The following MSS51 variants were observed in gnomAD, a reference collection of about 807,000 sequenced individuals.
The protein encoded by MSS51 is MSS51 mitochondrial translational activator.
In MSS51, 32 loss-of-function variants were observed where a neutral mutation model predicts 40.2. That is an observed-to-expected ratio of 0.80 (90% confidence interval 0.60 to 1.07). MSS51 has a LOEUF of 1.07. Ranked by LOEUF, MSS51 falls within the 50% of genes least tolerant of loss-of-function variation. MSS51 has a pLI of 0.00. For missense variants in MSS51, 518 were observed against 568.9 expected (o/e 0.91, Z 0.91); for synonymous variants, 178 against 214.2 (o/e 0.83, Z 1.48).
At chr10:73,429,098 TG>T (rs2056010456) in intron 1 of MSS51, among the ~76,000 whole-genome samples, 4 of 151,650 alleles carry the variant, frequency 2.6e-5, no homozygotes, top group Non-Finnish European at 4.4e-5. Flanking sequence ...CCCAGCTACT[TG>T]GGAGGCTGAG....
At chr10:73,428,413 G>T (rs1589675164) in intron 1 of MSS51, 112 bp from the exon 2 acceptor site, 1 of 783,226 alleles carries the variant, frequency 1.3e-6, no homozygotes, top group Non-Finnish European at 2.0e-6. Context: ...TCAGACCCAG[G>T]TTATCAGTAA....
chr10:73,425,688 A>AT, intron 5 of MSS51, 123 bp downstream of exon 5: 1 of 861,396 alleles, frequency 1.2e-6, no homozygotes, highest in Non-Finnish European at 1.7e-6. Context: ...AAAAAAAAAA[A>AT]GAAAAGTTGT....
At chr10:73,431,657 CT>C (rs1375132531) in intron 1 of MSS51, among the ~76,000 whole-genome samples, 7 of 152,236 alleles carry the variant, frequency 4.6e-5, no homozygotes, top group Non-Finnish European at 7.4e-5. Context: ...TTGTATTTTC[CT>C]TTGTACTTTC....
chr10:73,425,227 AC>A (rs1157065822), intron 5 of MSS51, 36 bp from the exon 6 acceptor site: 2 of 1,365,596 alleles, frequency 1.5e-6, no homozygotes, highest in African/African-American at 1.5e-5. Flanking sequence ...ATAGGGAAAG[AC>A]TAAAGCAGAC....
At position 73,425,882 on chromosome 10, in the gene MSS51, T is replaced by C; in HGVS notation, c.998A>G (p.His333Arg). 6.2e-7 allele frequency: 1 copy of C among 1,614,108 alleles called. No homozygotes were observed. The highest frequency in any genetic ancestry group is 2.2e-5 in the East Asian group (1 of 44,870). Reference sequence around the variant, plus strand: ...CTCTACTTGCTCCTCCCAGAAGTCATGGTAGAGGCCCCTGTGGGCACTAAG... The same window carrying C: ...CTCTACTTGCTCCTCCCAGAAGTCACGGTAGAGGCCCCTGTGGGCACTAAG... ...IQLSAHRGLYHDFWEEQVETG... is the reference protein window; with the variant it reads ...IQLSAHRGLYRDFWEEQVETG... Residue 333 changes from histidine to arginine, a missense_variant, in exon 5 of 7, where the codon CAT becomes CGT. Physicochemically the swap from His to Arg is conservative, Grantham distance 29 (BLOSUM62 0). Transcript: ENST00000299432.
chr10:73,430,919 T>C (rs1168583065), intron 1 of MSS51, among the ~76,000 whole-genome samples: 1 of 152,126 alleles, frequency 6.6e-6, no homozygotes, highest in African/African-American at 2.4e-5. Flanking sequence ...TAAATATACA[T>C]ATGAAGATGT....
intron 2 of MSS51, 124 bp from the exon 3 acceptor site, chr10:73,427,892 T>G: frequency 7.9e-7 from 1 of 1,269,222 alleles, no homozygotes; most frequent in Non-Finnish European, 1.1e-6. Flanking sequence ...GCCATCATTT[T>G]TCACTTAAGT....
chr10:73,426,222 G>A lies in MSS51; in HGVS notation c.658C>T (p.Arg220Trp), dbSNP rs778771012. 2.6e-5 allele frequency: 42 copies of A among 1,613,918 alleles called. No homozygotes were observed. In the Admixed American group the frequency reaches 2.7e-4, roughly 10 times the overall value. ...AVTTLWASVG[R>W]PRPDPDVLQG... ...AGGACATCCGGGTCTGGCCTTGGCCGTCCTACACTGGCCCATAAGGTGGTC... is the reference window on the plus strand; with the variant it reads ...AGGACATCCGGGTCTGGCCTTGGCCATCCTACACTGGCCCATAAGGTGGTC... The change falls in exon 5 of 7, where the codon CGG (arginine) becomes TGG (tryptophan). Residue 220 changes from arginine (R) to tryptophan (W), a missense_variant. Physicochemically the swap from Arg to Trp is moderately radical, Grantham distance 101 (BLOSUM62 -3). Coordinates refer to ENST00000299432, the MANE Select transcript of MSS51 (RefSeq NM_001024593.2).
chr10:73,427,710 T>C lies in MSS51; in HGVS notation c.280A>G (p.Met94Val), dbSNP rs1178006234. ...SGFGFRCPQE[M>V]FQRMEDTFRF... Reference sequence around the variant, plus strand: ...AATGTGTCTTCCATCCTCTGGAACATTTCTTGAGGACATCGAAATCCAAAG... The same window carrying C: ...AATGTGTCTTCCATCCTCTGGAACACTTCTTGAGGACATCGAAATCCAAAG... The change falls in exon 3 of 7, where the codon ATG (methionine) becomes GTG (valine). Residue 94 changes from methionine (M) to valine (V), a missense_variant. Coordinates refer to ENST00000299432, the MANE Select transcript of MSS51 (RefSeq NM_001024593.2). The C allele has an allele frequency of 1.9e-6, 3 of 1,614,084 alleles. No homozygotes were observed. The highest frequency in any genetic ancestry group is 2.2e-5 in the South Asian group (2 of 91,088).
rs1293651358 is a variant in MSS51 at position 73,423,728 on chromosome 10, G to C, written c.*825C>G. The C allele has an allele frequency of 6.6e-6, 1 of 152,118 alleles. No homozygotes were observed. The highest frequency in any genetic ancestry group is 1.5e-5 in the Non-Finnish European group (1 of 68,016). 9.4% of individuals were successfully genotyped at this position (152,118 alleles called of 1,614,324 possible). Reference sequence around the variant, plus strand: ...GTCAAAAGTCCCCAAGAGAAAACAGGAAAAGTAGACATTTCTCTCAAAAAA... The same window carrying C: ...GTCAAAAGTCCCCAAGAGAAAACAGCAAAAGTAGACATTTCTCTCAAAAAA... On this transcript the variant is annotated 3_prime_UTR_variant, in exon 7 of 7. Transcript: ENST00000299432.
In MSS51 at chr10:73,423,805, A is replaced by G. The variant is rs552965265; in HGVS notation, c.*748T>C. ...GCTTACAACCTCATCCATGTTCCCA[A>G]TGACTTCCCTGACTTGTCCATTCTT... On this transcript the variant is annotated 3_prime_UTR_variant, in exon 7 of 7. Coordinates refer to ENST00000299432, the MANE Select transcript of MSS51 (RefSeq NM_001024593.2). 3.3e-5 allele frequency: 5 copies of G among 152,382 alleles called. No homozygotes were observed. The highest frequency in any genetic ancestry group is 5.9e-5 in the Non-Finnish European group (4 of 68,044). 9.4% of individuals were successfully genotyped at this position (152,382 alleles called of 1,614,324 possible). A position where few individuals can be genotyped will look rare whatever the true frequency, so the allele number is the denominator to read the frequency against.
chr10:73,426,326 T>C lies in MSS51; in HGVS notation c.554A>G (p.Gln185Arg), dbSNP rs566326661. Residue 185 changes from glutamine (Q) to arginine (R), a missense_variant, in exon 5 of 7, where the codon CAG (glutamine) becomes CGG (arginine). Physicochemically the swap from Gln to Arg is conservative, Grantham distance 43 (BLOSUM62 1). Transcript: ENST00000299432. ...GPWPWPPEAV[Q>R]DWDSWFSMKG... The stretch of plus-strand genomic sequence containing the variant: ...CATAGAAAACCAGGAGTCCCAGTCC[T>C]GTACAGCTTCAGGTGGCCATGGCCA... The C allele has an allele frequency of 1.2e-6, 2 of 1,604,284 alleles. No individual in the cohort carries two copies. Among genetic ancestry groups the C allele is most frequent in the African/African-American group, 1.3e-5 (1 of 74,930 alleles).
intron 4 of MSS51, 67 bp from the exon 5 acceptor site, chr10:73,426,444 T>C: frequency 6.3e-7 from 1 of 1,576,522 alleles, no homozygotes; most frequent in Admixed American, 1.7e-5. Context: ...CCCTCACTAA[T>C]GATCAATATT....
chr10:73,427,470 G>A lies in MSS51; in HGVS notation c.377+143C>T, dbSNP rs746345549. On this transcript the variant is annotated intron_variant, in intron 3 of 6. Transcript: ENST00000299432. Reference sequence around the variant, plus strand: ...TTTTTGTATTTTTAGTAGAGACAGGGTTTTGCTGTGTTGGCCAGGTTGGCC... The same window carrying A: ...TTTTTGTATTTTTAGTAGAGACAGGATTTTGCTGTGTTGGCCAGGTTGGCC... 1.9e-3 allele frequency: 1,480 copies of A among 767,758 alleles called. 31 individuals are homozygous for A. Among genetic ancestry groups the A allele is most frequent in the Non-Finnish European group, 3.9e-4 (183 of 475,000 alleles). 47.6% of individuals were successfully genotyped at this position (767,758 alleles called of 1,614,324 possible).
Position 73,428,449 on chromosome 10 carries a change from T to G in MSS51, c.-17-148A>C, listed in dbSNP as rs377399506. 16 of 634,432 alleles carry G rather than the reference T, an allele frequency of 2.5e-5. No individual in the cohort carries two copies. In the East Asian group the frequency reaches 3.9e-4, roughly 15 times the overall value. The allele number at this position is 634,432 out of a possible 1,614,324, so 39.3% of individuals were successfully genotyped here. Reference sequence around the variant, plus strand: ...GATTTATTCAGTATTTACTGGTTATTGATCACCATAGGCAGCTGTGGAAAA... The same window carrying G: ...GATTTATTCAGTATTTACTGGTTATGGATCACCATAGGCAGCTGTGGAAAA... On this transcript the variant is annotated intron_variant, in intron 1 of 6. Coordinates refer to ENST00000299432, the MANE Select transcript of MSS51 (RefSeq NM_001024593.2).
rs765759704 is a variant in MSS51, at chr10:73,424,627, A to G, written c.1309T>C (p.Tyr437His). ...NKQPVYCSAY[Y>H]IMFLGSSCQL... is the part of the protein sequence containing the mutation. ...CAGGAGCTTCCAAGAAACATGATAT[A>G]GTATGCACTGCAGTATACTGGCTGC... The change falls in exon 7 of 7, where the codon TAT becomes CAT. Residue 437 changes from tyrosine (Y) to histidine (H), a missense_variant. Tyr to His is a moderately conservative substitution (Grantham distance 83). Transcript: ENST00000299432. The G allele has an allele frequency of 6.2e-7, 1 of 1,614,154 alleles. No individual in the cohort carries two copies. The highest frequency in any genetic ancestry group is 1.6e-4 in the Middle Eastern group (1 of 6,062).
intron 1 of MSS51, among the ~76,000 whole-genome samples, chr10:73,429,052 A>G (rs1195208704): frequency 6.6e-6 from 1 of 151,912 alleles, no homozygotes; most frequent in Admixed American, 6.6e-5. Flanking sequence ...TAAAAATACA[A>G]AAAATTAGCT....
rs377111967 is a variant in MSS51, at chr10:73,426,156, G to A, written c.724C>T (p.Arg242Trp). The A allele has an allele frequency of 7.9e-5, 128 of 1,614,072 alleles. No individual in the cohort carries two copies. The highest frequency in any genetic ancestry group is 9.7e-5 in the Non-Finnish European group (114 of 1,180,032). Reference sequence around the variant, plus strand: ...AGTCCTAGGCCTAGAGTCAAGGGCCGTGACAGGACATCTGTCAGCAGCCGC... The same window carrying A: ...AGTCCTAGGCCTAGAGTCAAGGGCCATGACAGGACATCTGTCAGCAGCCGC... ...LKRLLTDVLS[R>W]PLTLGLGLRA... Residue 242 changes from arginine (R) to tryptophan (W), a missense_variant, in exon 5 of 7, where the codon CGG (arginine) becomes TGG (tryptophan). Transcript: ENST00000299432.
rs2055965433 is a variant in MSS51 at position 73,424,472 on chromosome 10, T to A, written c.*81A>T. ...AATGAGGTTTAGAATATAATGTTTTTCAAAGTTTGCAAGAACCTGGCATTA... is the reference window on the plus strand; with the variant it reads ...AATGAGGTTTAGAATATAATGTTTTACAAAGTTTGCAAGAACCTGGCATTA... On this transcript the variant is annotated 3_prime_UTR_variant, in exon 7 of 7. Transcript: ENST00000299432. 2.7e-6 allele frequency: 3 copies of A among 1,100,448 alleles called. No individual in the cohort carries two copies. In the African/African-American group the frequency reaches 4.7e-5, roughly 17 times the overall value. 68.2% of individuals were successfully genotyped at this position (1,100,448 alleles called of 1,614,324 possible). A position where few individuals can be genotyped will look rare whatever the true frequency, so the allele number is the denominator to read the frequency against.
Sources: allele counts gnomAD v4.1 joint callset (sites outside exome capture counted in the v4.1 genomes callset), GRCh38; gene constraint gnomAD v4.1.1; transcripts MANE v1.5; gene names NCBI Gene and HGNC (gene_info 2026-07-23, HGNC 2026-07-21).